The following STRAP variants were observed in gnomAD, a reference collection of about 807,000 sequenced individuals.
The protein encoded by STRAP is serine-threonine kinase receptor-associated protein.
STRAP carries 16 observed loss-of-function variants against 47.0 expected under a neutral mutation model. The observed-to-expected ratio is 0.34, with a 90% confidence interval of 0.23 to 0.52. The LOEUF (loss-of-function observed/expected upper bound fraction) is 0.52. STRAP is among the 20% of genes least tolerant of loss of function. The probability of loss-of-function intolerance (pLI) is 0.96; values close to 1 mark genes in which losing one functional copy is unlikely to be tolerated. For missense variants in STRAP, 293 were observed against 420.0 expected (o/e 0.70, Z 2.64); for synonymous variants, 130 against 142.7 (o/e 0.91, Z 0.63).
intron 1 of STRAP, 89 bp from the exon 2 acceptor site, chr12:15,883,452 C>A (rs1413696998): frequency 1.4e-6 from 2 of 1,414,174 alleles, no homozygotes; most frequent in Non-Finnish European, 1.9e-6. Context: ...TCCACTTTGT[C>A]ATTGAACATC....
At chr12:15,898,895 A>G (rs535509525) in intron 7 of STRAP, among the ~76,000 whole-genome samples, 17 of 152,218 alleles carry the variant, frequency 1.1e-4, no homozygotes, top group Admixed American at 2.0e-4. Context: ...TTCTTGGGGA[A>G]CATTGATGCA....
chr12:15,900,465 C>A (rs944480695), intron 8 of STRAP, among the ~76,000 whole-genome samples: 1 of 150,876 alleles, frequency 6.6e-6, no homozygotes, highest in Non-Finnish European at 1.5e-5. Flanking sequence ...AGGAGCCATG[C>A]ATTGAGCTGA....
rs1948063067 is a variant in STRAP, at chr12:15,896,705, G to A, written c.639-1177G>A. Among the ~76,000 whole-genome samples, 2 of 152,152 alleles carry A rather than the reference G, an allele frequency of 1.3e-5. No homozygotes were observed. The highest frequency in any genetic ancestry group is 6.5e-5 in the Admixed American group (1 of 15,272). On this transcript the variant is annotated intron_variant, in intron 6 of 9. Transcript: ENST00000419869. This position sits in a 1 kb window ranked among gnomAD's most constrained non-coding sequence, Gnocchi z 4.1. Reference sequence around the variant, plus strand: ...GTTAGTTTCCCTGTTTTAGCACCACGGTGAATGTTCTAGCACATCTCTGAG... The same window carrying A: ...GTTAGTTTCCCTGTTTTAGCACCACAGTGAATGTTCTAGCACATCTCTGAG...
intron 1 of STRAP, 74 bp from the exon 2 acceptor site, chr12:15,883,467 T>C: frequency 1.3e-6 from 2 of 1,484,898 alleles, no homozygotes; most frequent in South Asian, 2.5e-5. Flanking sequence ...AACATCATTG[T>C]ATATTTACAT....
intron 9 of STRAP, 39 bp from the exon 10 acceptor site, chr12:15,902,878 A>C (rs763795779): frequency 3.4e-6 from 5 of 1,462,380 alleles, no homozygotes; most frequent in Admixed American, 4.7e-5. Flanking sequence ...TAAGTTGACT[A>C]ATGTGACTTT....
intron 9 of STRAP, 123 bp from the exon 10 acceptor site, chr12:15,902,794 T>C: frequency 8.2e-7 from 1 of 1,225,778 alleles, no homozygotes; most frequent in Non-Finnish European, 1.1e-6. Context: ...TTCTTTCCCT[T>C]ACCACAGTAT....
chr12:15,896,068 T>C lies in STRAP; in HGVS notation c.638+572T>C, dbSNP rs1446825535. 1.3e-5 allele frequency among the ~76,000 whole-genome samples: 2 copies of C among 150,514 alleles called. No homozygotes were observed. Among genetic ancestry groups the C allele is most frequent in the Non-Finnish European group, 3.0e-5 (2 of 67,634 alleles). ...TGAAACCCCGTCTCTAAAATAAAAATACAAAGAGAAGAAAAATTAGCTGGG... is the reference window on the plus strand; with the variant it reads ...TGAAACCCCGTCTCTAAAATAAAAACACAAAGAGAAGAAAAATTAGCTGGG... On this transcript the variant is annotated intron_variant, in intron 6 of 9. Coordinates refer to ENST00000419869, the MANE Select transcript of STRAP (RefSeq NM_007178.4). This position sits in a 1 kb window ranked among gnomAD's most constrained non-coding sequence, Gnocchi z 4.1.
chr12:15,893,973 T>A (rs1312010235), intron 4 of STRAP, 74 bp from the exon 5 acceptor site: 2 of 1,180,230 alleles, frequency 1.7e-6, no homozygotes, highest in Non-Finnish European at 2.5e-6. Context: ...TTTAAAAATA[T>A]ATAATTGTTC....
chr12:15,890,235 A>G lies in STRAP; in HGVS notation c.330+226A>G, dbSNP rs1948003508. 1.3e-5 allele frequency among the ~76,000 whole-genome samples: 2 copies of G among 152,246 alleles called. No homozygotes were observed. Among genetic ancestry groups the G allele is most frequent in the Admixed American group, 1.3e-4 (2 of 15,284 alleles). ...CTGTGGAACGAGTACCAGTCCTTCA[A>G]CATGTAAAAAACATCTGAAAAGCTC... is the stretch of plus-strand genomic sequence containing the variant. On this transcript the variant is annotated intron_variant, in intron 3 of 9. Transcript: ENST00000419869. The surrounding 1 kb of genome is among the most constrained non-coding windows in gnomAD (Gnocchi z 4.5).
rs5796649 is a variant in STRAP, at chr12:15,885,488, C to CTT, written c.248+1829_248+1830dup. 4.4e-3 allele frequency among the ~76,000 whole-genome samples: 583 copies of CTT among 132,426 alleles called. 7 individuals are homozygous for CTT. Among genetic ancestry groups the CTT allele is most frequent in the Middle Eastern group, 0.012 (3 of 246 alleles). 86.9% of individuals were successfully genotyped at this position (132,426 alleles called of 152,430 possible). A position where few individuals can be genotyped will look rare whatever the true frequency, so the allele number is the denominator to read the frequency against. On this transcript the variant is annotated intron_variant, in intron 2 of 9. Coordinates refer to ENST00000419869, the MANE Select transcript of STRAP (RefSeq NM_007178.4). ...ACAGGTGTGAGCCACCGTGCCTGGC[C>CTT]TTTTTTTTTTTTTTTTTTAACAACC... is the stretch of plus-strand genomic sequence containing the variant.
intron 1 of STRAP, among the ~76,000 whole-genome samples, 196 bp from the exon 2 acceptor site, chr12:15,883,345 A>G (rs1370632417): frequency 6.6e-6 from 1 of 152,218 alleles, no homozygotes; most frequent in Admixed American, 6.5e-5. Context: ...GATGCTTTTC[A>G]GAGAGAATGA....
At chr12:15,899,398 C>G (rs559683954) in intron 7 of STRAP, among the ~76,000 whole-genome samples, 1 of 152,284 alleles carries the variant, frequency 6.6e-6, no homozygotes, top group Non-Finnish European at 1.5e-5. Context: ...ATTTATGGAT[C>G]ATTGTTGATC....
Position 15,899,821 on chromosome 12 carries a change from AAC to A in STRAP, c.776-79_776-78del, listed in dbSNP as rs566199534. 171 of 1,363,560 alleles carry A rather than the reference AAC, an allele frequency of 1.3e-4. No homozygotes were observed. In the South Asian group the frequency reaches 2.1e-3, roughly 17 times the overall value. 84.5% of individuals were successfully genotyped at this position (1,363,560 alleles called of 1,614,324 possible). On this transcript the variant is annotated intron_variant, in intron 7 of 9. Coordinates refer to ENST00000419869, the MANE Select transcript of STRAP (RefSeq NM_007178.4). ...CTTAAGAATTTTCCATCTCCCCAGT[AAC>A]ACAGACAGTATTTTTTTTTTTTAGC...
Position 15,902,618 on chromosome 12 carries a change from C to T in STRAP, c.992-299C>T, listed in dbSNP as rs79163583. Among the ~76,000 whole-genome samples, 1,518 of 152,150 alleles carry T rather than the reference C, an allele frequency of 1.0e-2. 27 individuals are homozygous for T. The highest frequency in any genetic ancestry group is 0.034 in the African/African-American group (1,410 of 41,508). On this transcript the variant is annotated intron_variant, in intron 9 of 9. Transcript: ENST00000419869. ...TCCTTCGAAGACATGACTTTAATTC[C>T]GGGTTTGTTATATAGCTGGAGTCTT... is the stretch of plus-strand genomic sequence containing the variant.
At position 15,896,344 on chromosome 12, in the gene STRAP, T is replaced by G. The variant is rs774101536; in HGVS notation, c.638+848T>G. Among the ~76,000 whole-genome samples the G allele has an allele frequency of 1.8e-4, 27 of 152,250 alleles. No individual in the cohort carries two copies. Among genetic ancestry groups the G allele is most frequent in the Non-Finnish European group, 3.5e-4 (24 of 68,036 alleles). ...TTTCTGTTCCTGAGTATTTGCAGAC[T>G]TAATGAATTTTTTAAACAGATTTGA... On this transcript the variant is annotated intron_variant, in intron 6 of 9. Transcript: ENST00000419869. The surrounding 1 kb of genome is among the most constrained non-coding windows in gnomAD (Gnocchi z 4.1).
intron 8 of STRAP, 41 bp downstream of exon 8, chr12:15,900,094 A>G: frequency 6.5e-7 from 1 of 1,544,350 alleles, no homozygotes. Context: ...TTTAAAATGC[A>G]TGATTTTATG....
At chr12:15,892,045 C>G (rs76967972) in intron 4 of STRAP, among the ~76,000 whole-genome samples, 1 of 152,114 alleles carries the variant, frequency 6.6e-6, no homozygotes, top group Non-Finnish European at 1.5e-5. Flanking sequence ...CCAACATGTT[C>G]TAGTGAGCAC....
rs1001513173 is a variant in STRAP at position 15,896,966 on chromosome 12, A to C, written c.639-916A>C. Reference sequence around the variant, plus strand: ...AAGCAATGTCAAGGAGTTTATACACATACAGTAAACTGATAGTAGTAGAAT... The same window carrying C: ...AAGCAATGTCAAGGAGTTTATACACCTACAGTAAACTGATAGTAGTAGAAT... On this transcript the variant is annotated intron_variant, in intron 6 of 9. Coordinates refer to ENST00000419869, the MANE Select transcript of STRAP (RefSeq NM_007178.4). This position sits in a 1 kb window ranked among gnomAD's most constrained non-coding sequence, Gnocchi z 4.1. Among the ~76,000 whole-genome samples the C allele has an allele frequency of 6.6e-6, 1 of 152,246 alleles. No homozygotes were observed. Among genetic ancestry groups the C allele is most frequent in the Non-Finnish European group, 1.5e-5 (1 of 68,040 alleles).
At chr12:15,899,839 T>C in intron 7 of STRAP, 65 bp from the exon 8 acceptor site, 1 of 1,475,976 alleles carries the variant, frequency 6.8e-7, no homozygotes, top group Admixed American at 1.9e-5. Flanking sequence ...CAGTATTTTT[T>C]TTTTTTAGCA....
Sources: gnomAD v4.1 joint callset for allele counts (sites outside exome capture counted in the v4.1 genomes callset) on GRCh38, gnomAD v4.1.1 for gene constraint, Gnocchi (gnomAD v3.1) non-coding constraint, MANE v1.5 for transcripts, NCBI Gene and HGNC (gene_info 2026-07-23, HGNC 2026-07-21) for gene names.